FAP: variants seen among roughly 807,000 people sequenced by gnomAD.
FAP encodes prolyl endopeptidase FAP.
FAP carries 110 observed loss-of-function variants against 126.5 expected under a neutral mutation model. The observed-to-expected ratio is 0.87, with a 90% CI of 0.74 to 1.02. FAP has a LOEUF of 1.02. Among genes scored for constraint, FAP ranks in the 50% least tolerant of loss-of-function variants. The pLI, the probability that FAP is intolerant of heterozygous loss-of-function variation, is 0.00. For synonymous variants in FAP, 334 were observed against 297.3 expected (o/e 1.12, Z -1.27); for missense variants, 919 against 909.2 (o/e 1.01, Z -0.14).
intron 17 of FAP, among the ~76,000 whole-genome samples, chr2:162,192,991 T>C (rs183463485): frequency 1.6e-4 from 25 of 152,250 alleles, no homozygotes; most frequent in African/African-American, 6.0e-4. Flanking sequence ...CCCATTTCCA[T>C]GTTCATATTC....
At chr2:162,206,263 A>G (rs1688691588) in intron 12 of FAP, among the ~76,000 whole-genome samples, 1 of 152,228 alleles carries the variant, frequency 6.6e-6, no homozygotes, top group African/African-American at 2.4e-5. Context: ...CCTGGACCCT[A>G]GATAAGCACC....
At chr2:162,203,383 G>A (rs1688574811) in intron 12 of FAP, among the ~76,000 whole-genome samples, 1 of 152,044 alleles carries the variant, frequency 6.6e-6, no homozygotes, top group Non-Finnish European at 1.5e-5. Flanking sequence ...CATACCCCTG[G>A]ATTTACAATG....
At chr2:162,241,624 A>G (rs1051786031) in intron 2 of FAP, among the ~76,000 whole-genome samples, 1 of 152,244 alleles carries the variant, frequency 6.6e-6, no homozygotes, top group Non-Finnish European at 1.5e-5. Flanking sequence ...TAATGAATTA[A>G]CATTCAAAGG....
At chr2:162,230,808 A>T (rs937935659) in intron 2 of FAP, among the ~76,000 whole-genome samples, 4 of 152,140 alleles carry the variant, frequency 2.6e-5, no homozygotes, top group Non-Finnish European at 4.4e-5. Flanking sequence ...AGTCTCCTTG[A>T]TGATTCTTCT....
Position 162,198,586 on chromosome 2 carries a change from GATAATA to G in FAP, c.1402+165_1402+170del, listed in dbSNP as rs1328651340. On this transcript the variant is annotated intron_variant, in intron 16 of 25. Transcript: ENST00000188790. Reference sequence around the variant, plus strand: ...GTTTCCTCAGTTGCAAAAAAGTAAAGATAATAATACCTTCCTATCCTCCTTTAATTT... The same window carrying G: ...GTTTCCTCAGTTGCAAAAAAGTAAAGATACCTTCCTATCCTCCTTTAATTT... 5.0e-5 allele frequency: 46 copies of G among 927,630 alleles called. No individual in the cohort carries two copies. The Middle Eastern group carries it at 1.1e-3, about 23-fold the overall frequency. 57.5% of individuals were successfully genotyped at this position (927,630 alleles called of 1,614,324 possible).
intron 17 of FAP, among the ~76,000 whole-genome samples, chr2:162,193,136 G>A (rs1688114334): frequency 6.6e-6 from 1 of 152,096 alleles, no homozygotes; most frequent in South Asian, 2.1e-4. Context: ...TGTTGAATGA[G>A]ATTGCTGACA....
chr2:162,181,915 T>A (rs2300751), intron 21 of FAP, among the ~76,000 whole-genome samples: 5,436 of 152,344 alleles, frequency 0.036, 347 homozygotes, highest in East Asian at 0.28. Context: ...TTTATCCACA[T>A]ACTAGTTCCT....
intron 14 of FAP, among the ~76,000 whole-genome samples, chr2:162,202,172 C>T (rs1412296751): frequency 6.6e-6 from 1 of 152,206 alleles, no homozygotes; most frequent in African/African-American, 2.4e-5. Flanking sequence ...AGAAAGTATA[C>T]TTTTGTGATT....
At chr2:162,200,006 T>C (rs1455000276) in intron 15 of FAP, among the ~76,000 whole-genome samples, 3 of 152,162 alleles carry the variant, frequency 2.0e-5, no homozygotes, top group African/African-American at 4.8e-5. Context: ...TGAAATTACA[T>C]ATGTAAGTCA....
intron 12 of FAP, among the ~76,000 whole-genome samples, chr2:162,208,771 CT>C (rs1039193066): frequency 1.3e-5 from 2 of 150,022 alleles, no homozygotes; most frequent in Non-Finnish European, 3.0e-5. Context: ...TACTACTACT[CT>C]TTTTTTCCTG....
At position 162,183,537 on chromosome 2, in the gene FAP, C is replaced by G. The variant is rs1446561381; in HGVS notation, c.1815-69G>C. 4 of 863,460 alleles carry G rather than the reference C, an allele frequency of 4.6e-6. No homozygotes were observed. In the African/African-American group the frequency reaches 6.9e-5, roughly 15 times the overall value. 53.5% of individuals were successfully genotyped at this position (863,460 alleles called of 1,614,324 possible). A position where few individuals can be genotyped will look rare whatever the true frequency, so the allele number is the denominator to read the frequency against. On this transcript the variant is annotated intron_variant, in intron 20 of 25. Coordinates refer to ENST00000188790, the MANE Select transcript of FAP (RefSeq NM_004460.5). ...CATGACATTTACTTCATTACACAAC[C>G]ATATTTAATCCAAAGATTTAATAGA...
intron 12 of FAP, among the ~76,000 whole-genome samples, chr2:162,208,825 T>G (rs902203082): frequency 3.2e-5 from 4 of 123,756 alleles, no homozygotes; most frequent in Non-Finnish European, 4.7e-5. Context: ...AATAGGAGGG[T>G]TTTTTTTTTT....
At chr2:162,223,564 T>A (rs745715967) in intron 6 of FAP, 44 bp downstream of exon 6, 1 of 1,164,812 alleles carries the variant, frequency 8.6e-7, no homozygotes, top group Non-Finnish European at 1.3e-6. Context: ...GAAAACATTC[T>A]AGGTATTAGA....
At chr2:162,235,592 G>A (rs1258686308) in intron 2 of FAP, among the ~76,000 whole-genome samples, 1 of 152,192 alleles carries the variant, frequency 6.6e-6, no homozygotes, top group Non-Finnish European at 1.5e-5. Flanking sequence ...GCACCAATCA[G>A]CACCCTATCA....
At chr2:162,225,742 A>T in intron 3 of FAP, among the ~76,000 whole-genome samples, 165 bp from the exon 4 acceptor site, 1 of 152,126 alleles carries the variant, frequency 6.6e-6, no homozygotes, top group East Asian at 1.9e-4. Context: ...TAGAGGAAGA[A>T]GGTAGAATGC....
intron 24 of FAP, 46 bp downstream of exon 24, chr2:162,173,103 T>C (rs1271725887): frequency 2.0e-6 from 3 of 1,534,066 alleles, no homozygotes; most frequent in Non-Finnish European, 2.7e-6. Flanking sequence ...AACAAAGTGA[T>C]GCTGGCTCAG....
chr2:162,178,927 TG>T (rs1236034119), intron 21 of FAP, among the ~76,000 whole-genome samples: 1 of 152,204 alleles, frequency 6.6e-6, no homozygotes, highest in Non-Finnish European at 1.5e-5. Flanking sequence ...CTTATTATAT[TG>T]TATAAGAGCA....
At chr2:162,237,920 G>C (rs1033249122) in intron 2 of FAP, among the ~76,000 whole-genome samples, 1 of 151,884 alleles carries the variant, frequency 6.6e-6, no homozygotes, top group Non-Finnish European at 1.5e-5. Flanking sequence ...TCTCATTTTG[G>C]TTTTGATTTG....
intron 14 of FAP, 55 bp from the exon 15 acceptor site, chr2:162,200,674 G>T: frequency 1.2e-6 from 1 of 813,566 alleles, no homozygotes; most frequent in Non-Finnish European, 2.0e-6. Flanking sequence ...TAATAGGATT[G>T]TTAGTATTAA....
Sources: allele counts gnomAD v4.1 joint callset (sites outside exome capture counted in the v4.1 genomes callset), GRCh38; gene constraint gnomAD v4.1.1; transcripts MANE v1.5; gene names NCBI Gene and HGNC (gene_info 2026-07-23, HGNC 2026-07-21).